The following SETD2 variants were observed in gnomAD, a reference collection of about 807,000 sequenced individuals.
The protein encoded by SETD2 is SET domain containing 2, histone lysine methyltransferase.
In SETD2, 31 loss-of-function variants were observed where a neutral mutation model predicts 242.1. That is an observed-to-expected ratio of 0.13 (90% CI 0.10 to 0.17). The LOEUF (loss-of-function observed/expected upper bound fraction) is 0.17, where lower values mean the gene tolerates loss of function less well. Among genes scored for constraint, SETD2 ranks in the 10% least tolerant of loss-of-function variants. The pLI is 1.00. For synonymous variants in SETD2, 1,006 were observed against 1,066.5 expected (o/e 0.94, Z 1.11); for missense variants, 2,481 against 3,046.3 (o/e 0.81, Z 4.37).
intron 1 of SETD2, among the ~76,000 whole-genome samples, chr3:47,150,328 G>A (rs890324568): frequency 2.6e-5 from 4 of 152,038 alleles, no homozygotes; most frequent in South Asian, 2.1e-4. Context: ...ATGAGCCACC[G>A]TGCGCGGCCT....
chr3:47,058,391 A>G (rs1217125035), intron 14 of SETD2, among the ~76,000 whole-genome samples: 2 of 140,334 alleles, frequency 1.4e-5, no homozygotes, highest in Non-Finnish European at 3.0e-5. Flanking sequence ...GAGTGAGCTG[A>G]GACTACGCCA....
intron 1 of SETD2, among the ~76,000 whole-genome samples, chr3:47,160,464 C>T (rs1697457680): frequency 7.1e-6 from 1 of 140,834 alleles, no homozygotes; most frequent in African/African-American, 3.1e-5. Context: ...CCACACCAGA[C>T]TAATTTTTTT....
rs528415781 is a variant in SETD2, at chr3:47,017,036, T to A, written c.*57A>T. 6.8e-5 allele frequency: 106 copies of A among 1,554,278 alleles called. 1 individual carries two copies. The South Asian group carries it at 1.1e-3, about 16-fold the overall frequency. ...GTGGGACAGAAAGGCCCACAGGATT[T>A]CCTCTCCCTAGAGTCTGTCTTACCT... On this transcript the variant is annotated 3_prime_UTR_variant, in exon 21 of 21. Transcript: ENST00000409792. This position sits in a 1 kb window ranked among gnomAD's most constrained non-coding sequence, Gnocchi z 4.8.
chr3:47,108,139 G>GA, intron 5 of SETD2, among the ~76,000 whole-genome samples: 1 of 151,884 alleles, frequency 6.6e-6, no homozygotes, highest in South Asian at 2.1e-4. Context: ...TTTAAAAAAT[G>GA]TTTTAAAACA....
chr3:47,037,433 C>T (rs1462212546), intron 18 of SETD2, among the ~76,000 whole-genome samples: 1 of 151,814 alleles, frequency 6.6e-6, no homozygotes, highest in Non-Finnish European at 1.5e-5. Context: ...TTTCCAGTTT[C>T]ATCCATGTCC....
chr3:47,046,726 A>T lies in SETD2; in HGVS notation c.6964-105T>A, dbSNP rs558549473. The T allele has an allele frequency of 7.0e-5, 70 of 1,004,888 alleles. No homozygotes were observed. In the Admixed American group the frequency reaches 7.2e-4, roughly 10 times the overall value. 62.2% of individuals were successfully genotyped at this position (1,004,888 alleles called of 1,614,324 possible). ...CTTAAAGATATACCCATAACATTTT[A>T]AAATTTTTTGTTTATATATTTGGAC... On this transcript the variant is annotated intron_variant, in intron 15 of 20. Transcript: ENST00000409792.
Position 47,113,989 on chromosome 3 carries a change from T to G in SETD2, c.4602A>C (p.Pro1534=). 4 of 1,610,630 alleles carry G rather than the reference T, an allele frequency of 2.5e-6. No individual in the cohort carries two copies. The highest frequency in any genetic ancestry group is 3.4e-6 in the Non-Finnish European group (4 of 1,178,944). ...LLMIECSSRC[P]NGDYCSNRRF... ...GTCTATTGGAACAATAATCCCCATT[T>G]GGACACCGAGAAGAACTGAAATGAG... The change falls in exon 5 of 21, where the codon CCA becomes CCC. Residue 1534 remains proline, a synonymous_variant. Coordinates refer to ENST00000409792, the MANE Select transcript of SETD2 (RefSeq NM_014159.7).
chr3:47,119,634 T>A (rs2042992587), intron 3 of SETD2: 1 of 321,604 alleles, frequency 3.1e-6, no homozygotes, highest in South Asian at 2.6e-5. Context: ...ATGTAAGAAG[T>A]GCCTTTTGCC....
At chr3:47,158,683 T>A (rs139413884) in intron 1 of SETD2, among the ~76,000 whole-genome samples, 26 of 152,328 alleles carry the variant, frequency 1.7e-4, no homozygotes, top group African/African-American at 5.8e-4. Flanking sequence ...AGTATCCTAG[T>A]AGCAGTTAAG....
intron 1 of SETD2, among the ~76,000 whole-genome samples, chr3:47,157,382 G>C (rs1463527793): frequency 1.3e-5 from 2 of 152,082 alleles, no homozygotes; most frequent in Non-Finnish European, 2.9e-5. Context: ...ACTCTAACCT[G>C]GACAACAGAA....
rs1575813756 is a variant in SETD2, at chr3:47,121,746, C to G, written c.2890G>C (p.Glu964Gln). 1.2e-6 allele frequency: 2 copies of G among 1,614,180 alleles called. No individual in the cohort carries two copies. Among genetic ancestry groups the G allele is most frequent in the Non-Finnish European group, 1.7e-6 (2 of 1,180,028 alleles). The part of the protein sequence containing the change: ...LSGKCLQEAQ[E>Q]EGNSILPERR... ...TCAGGCAATATGGAATTCCCTTCTT[C>G]TTGAGCCTCTTGCAAACATTTCCCA... The change falls in exon 3 of 21, where the codon GAA (glutamate) becomes CAA (glutamine). Residue 964 changes from glutamate to glutamine, a missense_variant. Around this residue, in one of 17 missense-constraint regions of SETD2, gnomAD observed 1,300 missense variants for 1,259.2 expected, o/e 1.03. Transcript: ENST00000409792.
At chr3:47,161,814 G>C (rs548889166) in intron 1 of SETD2, among the ~76,000 whole-genome samples, 1 of 151,382 alleles carries the variant, frequency 6.6e-6, no homozygotes, top group Non-Finnish European at 1.5e-5. Flanking sequence ...AGGAGGCTGA[G>C]GCAGGAGGAC....
At chr3:47,079,126 CAT>C (rs2041223953) in intron 12 of SETD2, among the ~76,000 whole-genome samples, 1 of 152,146 alleles carries the variant, frequency 6.6e-6, no homozygotes, top group South Asian at 2.1e-4. Flanking sequence ...ATGTGTGTAA[CAT>C]GTAGAATATG....
intron 12 of SETD2, among the ~76,000 whole-genome samples, chr3:47,083,443 G>T (rs1217007065): frequency 6.6e-6 from 1 of 151,962 alleles, no homozygotes; most frequent in South Asian, 2.1e-4. Flanking sequence ...AAGGATTTTT[G>T]TTTTTAATGT....
chr3:47,039,774 A>G (rs1261279516), intron 17 of SETD2, among the ~76,000 whole-genome samples: 5 of 147,298 alleles, frequency 3.4e-5, no homozygotes, highest in Admixed American at 3.4e-4. Context: ...CCTGCTAGTC[A>G]GGAAGCTGAG....
chr3:47,146,654 A>T (rs1339020508), intron 1 of SETD2, among the ~76,000 whole-genome samples: 1 of 151,710 alleles, frequency 6.6e-6, no homozygotes, highest in Non-Finnish European at 1.5e-5. Flanking sequence ...TCCTTCATAT[A>T]GGCCAGGCAT....
intron 16 of SETD2, among the ~76,000 whole-genome samples, chr3:47,044,685 CAT>C (rs140069106): frequency 0.019 from 2,914 of 152,314 alleles, 44 homozygotes; most frequent in Middle Eastern, 0.037. Flanking sequence ...TATCCTCCTA[CAT>C]ATGTTGCAGA....
chr3:47,062,776 A>C (rs1390156556), intron 13 of SETD2, among the ~76,000 whole-genome samples: 1 of 152,184 alleles, frequency 6.6e-6, no homozygotes, highest in East Asian at 1.9e-4. Context: ...AAGAACCTCA[A>C]TGAGAAAAGT....
intron 11 of SETD2, among the ~76,000 whole-genome samples, 187 bp from the exon 12 acceptor site, chr3:47,084,569 C>T (rs977983385): frequency 1.3e-5 from 2 of 151,500 alleles, no homozygotes; most frequent in Non-Finnish European, 2.9e-5. Flanking sequence ...GGAGTACAGG[C>T]GCTAGCTGCC....
Sources: allele counts gnomAD v4.1 joint callset (sites outside exome capture counted in the v4.1 genomes callset), GRCh38; gene constraint gnomAD v4.1.1; regional missense constraint gnomAD v4.1.1; non-coding constraint Gnocchi (gnomAD v3.1); transcripts MANE v1.5; gene names NCBI Gene and HGNC (gene_info 2026-07-23, HGNC 2026-07-21).